The following CADPS variants were observed in gnomAD, a reference collection of about 807,000 sequenced individuals.
CADPS encodes the protein calcium-dependent secretion activator 1.
A neutral mutation model predicts 167.3 loss-of-function variants in CADPS; 57 were observed. That is an observed-to-expected ratio of 0.34 (90% CI 0.28 to 0.42). The LOEUF is 0.42. Among genes scored for constraint, CADPS ranks in the 20% least tolerant of loss-of-function variants. The pLI is 1.00. For missense variants in CADPS, 1,414 were observed against 1,738.1 expected (o/e 0.81, Z 3.32); for synonymous variants, 676 against 635.3 (o/e 1.06, Z -0.96).
At chr3:62,474,647 A>T (rs2061040508) in intron 23 of CADPS, among the ~76,000 whole-genome samples, 1 of 152,226 alleles carries the variant, frequency 6.6e-6, no homozygotes, top group African/African-American at 2.4e-5. Flanking sequence ...AGTATAGCAT[A>T]TGTAAGTTCT....
At chr3:62,708,397 A>G (rs2082726825) in intron 3 of CADPS, among the ~76,000 whole-genome samples, 1 of 152,140 alleles carries the variant, frequency 6.6e-6, no homozygotes, top group Non-Finnish European at 1.5e-5. Context: ...CATTGTGCTA[A>G]GTATATGCAA....
chr3:62,550,910 C>A (rs1241907961), intron 10 of CADPS: 1 of 456,710 alleles, frequency 2.2e-6, no homozygotes, highest in African/African-American at 2.0e-5. Flanking sequence ...CAGGAGGAAA[C>A]CCTGACTTTC....
intron 18 of CADPS, among the ~76,000 whole-genome samples, chr3:62,497,455 C>T (rs893003212): frequency 3.3e-5 from 5 of 152,164 alleles, no homozygotes; most frequent in Admixed American, 2.0e-4. Context: ...TTTGTAGACA[C>T]GTGGGAAGAA....
intron 3 of CADPS, among the ~76,000 whole-genome samples, chr3:62,704,732 A>G (rs2082024308): frequency 6.6e-6 from 1 of 152,140 alleles, no homozygotes; most frequent in East Asian, 1.9e-4. Context: ...CTGGAAGTAT[A>G]AAAAGGTGCC....
At chr3:62,577,465 T>A (rs965326914) in intron 8 of CADPS, among the ~76,000 whole-genome samples, 5 of 152,118 alleles carry the variant, frequency 3.3e-5, no homozygotes, top group African/African-American at 1.2e-4. Context: ...GCTTTTGTCC[T>A]CTTCTTGGGT....
At chr3:62,470,701 T>C (rs899673950) in intron 24 of CADPS, 3 of 152,172 alleles carry the variant, frequency 2.0e-5, no homozygotes, top group Non-Finnish European at 4.4e-5. Flanking sequence ...GATTCAATTA[T>C]ACTAAGGAAA....
intron 6 of CADPS, among the ~76,000 whole-genome samples, chr3:62,635,550 G>C (rs12490025): frequency 0.4 from 61,196 of 151,868 alleles, 12,473 homozygotes; most frequent in East Asian, 0.6. Flanking sequence ...ATATTTTTAT[G>C]TGTGTGTATG....
chr3:62,530,755 G>A, intron 13 of CADPS: 1 of 1,288,050 alleles, frequency 7.8e-7, no homozygotes, highest in South Asian at 1.2e-5. Context: ...AGGGAGTTTT[G>A]CTCCCTTCAG....
intron 6 of CADPS, chr3:62,625,159 C>T (rs1446165413): frequency 2.0e-5 from 3 of 149,564 alleles, no homozygotes; most frequent in African/African-American, 7.6e-5. Context: ...CACATGTACA[C>T]CTGAATTTTA....
chr3:62,637,125 G>A (rs1230293055), intron 6 of CADPS, among the ~76,000 whole-genome samples: 1 of 152,144 alleles, frequency 6.6e-6, no homozygotes, highest in Admixed American at 6.6e-5. Flanking sequence ...GCTGGTCACT[G>A]AACTCAGCCC....
chr3:62,415,730 G>T (rs2049936003), intron 28 of CADPS, among the ~76,000 whole-genome samples: 1 of 152,062 alleles, frequency 6.6e-6, no homozygotes, highest in African/African-American at 2.4e-5. Flanking sequence ...TCGTATAAAG[G>T]CCTGAGACTG....
intron 1 of CADPS, among the ~76,000 whole-genome samples, chr3:62,795,928 C>T (rs2093373610): frequency 6.6e-6 from 1 of 152,070 alleles, no homozygotes; most frequent in Admixed American, 6.6e-5. Flanking sequence ...AACAGGGGTA[C>T]AGAAATCATG....
At chr3:62,780,067 GT>G (rs924322321) in intron 1 of CADPS, among the ~76,000 whole-genome samples, 7 of 151,290 alleles carry the variant, frequency 4.6e-5, no homozygotes, top group South Asian at 4.2e-4. Flanking sequence ...ATTTCATAGG[GT>G]TTTTTTTTCT....
At chr3:62,656,535 C>A (rs936006339) in intron 4 of CADPS, among the ~76,000 whole-genome samples, 1 of 152,136 alleles carries the variant, frequency 6.6e-6, no homozygotes, top group Non-Finnish European at 1.5e-5. Flanking sequence ...AGAGCTGAGG[C>A]AACTCTGGGG....
chr3:62,445,031 CA>C (rs2056974903), intron 27 of CADPS, among the ~76,000 whole-genome samples: 1 of 152,104 alleles, frequency 6.6e-6, no homozygotes, highest in Admixed American at 6.5e-5. Context: ...AAAATCTCTC[CA>C]ATTTTATTTT....
intron 21 of CADPS, among the ~76,000 whole-genome samples, chr3:62,484,019 C>A (rs1479217858): frequency 6.6e-6 from 1 of 152,076 alleles, no homozygotes; most frequent in African/African-American, 2.4e-5. Flanking sequence ...GGCGGGTACA[C>A]AAATTAGAAG....
At chr3:62,854,673 G>T (rs11720115) in intron 1 of CADPS, among the ~76,000 whole-genome samples, 2 of 152,136 alleles carry the variant, frequency 1.3e-5, no homozygotes, top group Admixed American at 6.5e-5. Flanking sequence ...TTGTGTAGTC[G>T]TAAGTAACAA....
rs532545466 is a variant in CADPS, at chr3:62,487,065, A to G, written c.3026+4274T>C. 2.8e-4 allele frequency among the ~76,000 whole-genome samples: 42 copies of G among 152,274 alleles called. No individual in the cohort carries two copies. In the South Asian group the frequency reaches 6.4e-3, roughly 23 times the overall value. ...CCATCCTTGTTTTAGCTAGTTCCCA[A>G]TTTGGTCTGGTTTCTGAACCCCACC... On this transcript the variant is annotated intron_variant, in intron 21 of 29. Transcript: ENST00000383710.
At chr3:62,550,241 T>C in intron 10 of CADPS, 126 bp from the exon 11 acceptor site, 1 of 675,682 alleles carries the variant, frequency 1.5e-6, no homozygotes, top group Non-Finnish European at 2.6e-6. Context: ...GTGATTAACT[T>C]AGGATGGGAA....
Sources: gnomAD v4.1 joint callset for allele counts (sites outside exome capture counted in the v4.1 genomes callset) on GRCh38, gnomAD v4.1.1 for gene constraint, MANE v1.5 for transcripts, NCBI Gene and HGNC (gene_info 2026-07-23, HGNC 2026-07-21) for gene names.